Variants in ZNF670 observed in about 807,000 individuals in gnomAD.
The protein encoded by ZNF670 is zinc finger protein 670.
Under a neutral mutation model 10.9 loss-of-function variants are expected in ZNF670, and 7 were observed. The ratio of observed to expected loss-of-function variants is 0.64; its 90% CI spans 0.36 to 1.20. ZNF670 has a LOEUF of 1.20. Ranked by LOEUF, ZNF670 falls within the 50% of genes most tolerant of loss-of-function variation. The pLI is 0.02. For missense variants in ZNF670, 446 were observed against 458.6 expected (o/e 0.97, Z 0.25); for synonymous variants, 136 against 152.7 (o/e 0.89, Z 0.81).
intron 1 of ZNF670, among the ~76,000 whole-genome samples, chr1:247,067,841 CAAAAAAAAAAAAAAA>C (rs61211824): frequency 1.2e-5 from 1 of 85,256 alleles, no homozygotes. Flanking sequence ...GACTCCGTCT[CAAAAAAAAAAAAAAA>C]AAAAAAAAAA....
intron 1 of ZNF670, among the ~76,000 whole-genome samples, chr1:247,058,709 T>TAAA (rs59634852): frequency 0.028 from 3,466 of 124,180 alleles, 183 homozygotes; most frequent in African/African-American, 0.096. Context: ...TACAGACAGT[T>TAAA]AAAAAAAAAA....
rs1450237050 is a variant in ZNF670 at position 247,037,390 on chromosome 1, T to A, written c.*59A>T. On this transcript the variant is annotated 3_prime_UTR_variant, in exon 4 of 4. Coordinates refer to ENST00000366503, the MANE Select transcript of ZNF670 (RefSeq NM_033213.5). The stretch of plus-strand genomic sequence containing the variant: ...TTCACGTGTTCTAATGAAACTAGAA[T>A]AACTGAAAGCTTTAACACACTTCTT... 10 of 1,506,600 alleles carry A rather than the reference T, an allele frequency of 6.6e-6. No individual in the cohort carries two copies. In the Admixed American group the frequency reaches 9.4e-5, roughly 14 times the overall value. 93.3% of individuals were successfully genotyped at this position (1,506,600 alleles called of 1,614,324 possible).
chr1:247,043,254 C>T, intron 1 of ZNF670: 1 of 671,830 alleles, frequency 1.5e-6, no homozygotes, highest in South Asian at 1.4e-5. Flanking sequence ...TAAGCATTGT[C>T]TCTGGGTATA....
At chr1:247,051,913 G>A (rs1339130320) in intron 1 of ZNF670, among the ~76,000 whole-genome samples, 1 of 149,296 alleles carries the variant, frequency 6.7e-6, no homozygotes, top group African/African-American at 2.5e-5. Context: ...TTCTCTAAGT[G>A]TGTCATTCAT....
rs187017736 is a variant in ZNF670 at position 247,053,350 on chromosome 1, C to T, written c.4-13813G>A. ...GCTCAGTTGAAATTATTATAAAGTT[C>T]AGGCCGGCGCGGTGGCTCACGCCTG... is the stretch of plus-strand genomic sequence containing the variant. On this transcript the variant is annotated intron_variant, in intron 1 of 3. Coordinates refer to ENST00000366503, the MANE Select transcript of ZNF670 (RefSeq NM_033213.5). Among the ~76,000 whole-genome samples the T allele has an allele frequency of 2.6e-3, 397 of 152,242 alleles. 4 individuals are homozygous for T. The highest frequency in any genetic ancestry group is 9.3e-3 in the African/African-American group (385 of 41,550).
intron 1 of ZNF670, chr1:247,044,168 T>A (rs1460044016): frequency 6.5e-6 from 1 of 153,540 alleles, no homozygotes; most frequent in Non-Finnish European, 1.5e-5. Flanking sequence ...TGAGAAATAA[T>A]TTATGTTGAA....
intron 1 of ZNF670, among the ~76,000 whole-genome samples, chr1:247,060,919 T>C (rs1429911356): frequency 6.6e-6 from 1 of 152,182 alleles, no homozygotes; most frequent in Non-Finnish European, 1.5e-5. Flanking sequence ...CAAGTATTCA[T>C]CTGGTTGTCA....
In ZNF670 at chr1:247,041,591, C is replaced by G. The variant is rs372405410; in HGVS notation, c.4-2054G>C. Among the ~76,000 whole-genome samples the G allele has an allele frequency of 1.5e-4, 23 of 152,340 alleles. No homozygotes were observed. In the East Asian group the frequency reaches 2.5e-3, roughly 17 times the overall value. On this transcript the variant is annotated intron_variant, in intron 1 of 3. Coordinates refer to ENST00000366503, the MANE Select transcript of ZNF670 (RefSeq NM_033213.5). ...GAGTCAACTGATACCCTCCATTGCT[C>G]TAATTTGAACTTACCACAATGTGTA...
chr1:247,051,169 GTGGTGGCA>G (rs953650535), intron 1 of ZNF670, among the ~76,000 whole-genome samples: 1 of 151,638 alleles, frequency 6.6e-6, no homozygotes, highest in African/African-American at 2.4e-5. Flanking sequence ...TTAGCCGGGC[GTGGTGGCA>G]AGCGCCTGTA....
At chr1:247,047,841 G>C (rs1670488999) in intron 1 of ZNF670, among the ~76,000 whole-genome samples, 1 of 151,904 alleles carries the variant, frequency 6.6e-6, no homozygotes. Context: ...CTAGGACACA[G>C]CACCATGTCC....
Position 247,077,436 on chromosome 1 carries a change from C to G in ZNF670, c.3+1158G>C, listed in dbSNP as rs140382707. Among the ~76,000 whole-genome samples, 597 of 152,290 alleles carry G rather than the reference C, an allele frequency of 3.9e-3. 4 individuals are homozygous for G. The highest frequency in any genetic ancestry group is 0.013 in the African/African-American group (535 of 41,554). Reference sequence around the variant, plus strand: ...CTCTAAAGTTTCCAAAAGGGAACTTCACCCCAAAGATACTCTGGTAAGATG... The same window carrying G: ...CTCTAAAGTTTCCAAAAGGGAACTTGACCCCAAAGATACTCTGGTAAGATG... On this transcript the variant is annotated intron_variant, in intron 1 of 3. Transcript: ENST00000366503.
Position 247,072,816 on chromosome 1 carries a change from ATATATATATATATATATATATATG to A in ZNF670, c.3+5754_3+5777del, listed in dbSNP as rs1671162151. ...AAAAAAAGTGTGTGTATATATATAT[ATATATATATATATATATATATATG>A]CATACACACACATACACACACACAC... is the stretch of plus-strand genomic sequence containing the variant. On this transcript the variant is annotated intron_variant, in intron 1 of 3. Coordinates refer to ENST00000366503, the MANE Select transcript of ZNF670 (RefSeq NM_033213.5). Among the ~76,000 whole-genome samples, 24 of 49,362 alleles carry A rather than the reference ATATATATATATATATATATATATG, an allele frequency of 4.9e-4. 1 individual carries two copies. Among genetic ancestry groups the A allele is most frequent in the African/African-American group, 3.2e-3 (24 of 7,504 alleles). 32.4% of individuals were successfully genotyped at this position (49,362 alleles called of 152,430 possible).
At chr1:247,065,743 A>C (rs1225061317) in intron 1 of ZNF670, among the ~76,000 whole-genome samples, 1 of 152,252 alleles carries the variant, frequency 6.6e-6, no homozygotes, top group Non-Finnish European at 1.5e-5. Context: ...AATGATAATC[A>C]GTAAAAAGTA....
At chr1:247,045,073 T>C (rs1332155961) in intron 1 of ZNF670, among the ~76,000 whole-genome samples, 1 of 151,914 alleles carries the variant, frequency 6.6e-6, no homozygotes, top group Non-Finnish European at 1.5e-5. Flanking sequence ...CAAACCAAAT[T>C]AGAGAGACAG....
rs1198713067 is a variant in ZNF670, at chr1:247,037,419, T to C, written c.*30A>G. The C allele has an allele frequency of 1.3e-6, 2 of 1,552,440 alleles. No homozygotes were observed. Among genetic ancestry groups the C allele is most frequent in the Non-Finnish European group, 1.7e-6 (2 of 1,154,086 alleles). Reference sequence around the variant, plus strand: ...TGAAAGCTTTAACACACTTCTTACATTGACAGAGGTGTTTTGTTGTTGTTG... The same window carrying C: ...TGAAAGCTTTAACACACTTCTTACACTGACAGAGGTGTTTTGTTGTTGTTG... On this transcript the variant is annotated 3_prime_UTR_variant, in exon 4 of 4. Coordinates refer to ENST00000366503, the MANE Select transcript of ZNF670 (RefSeq NM_033213.5).
chr1:247,051,217 A>G (rs1349262708), intron 1 of ZNF670, among the ~76,000 whole-genome samples: 2 of 151,756 alleles, frequency 1.3e-5, no homozygotes, highest in East Asian at 3.9e-4. Flanking sequence ...CTAAGGCAGG[A>G]GACTCCAGCC....
chr1:247,073,836 G>A (rs1464516552), intron 1 of ZNF670, among the ~76,000 whole-genome samples: 1 of 152,162 alleles, frequency 6.6e-6, no homozygotes, highest in Non-Finnish European at 1.5e-5. Flanking sequence ...TCATAAGTCA[G>A]AGGTTCCCAT....
Position 247,038,300 on chromosome 1 carries a change from C to G in ZNF670, c.319G>C (p.Val107Leu). Reference sequence around the variant, plus strand: ...TGACATATGAAGACTTTTCCACACACACTGCATTCACATGGCTTTACTCCA... The same window carrying G: ...TGACATATGAAGACTTTTCCACACAGACTGCATTCACATGGCTTTACTCCA... ...STGVKPCECS[V>L]CGKVFICHSA... The change falls in exon 4 of 4, where the codon GTG becomes CTG. Residue 107 changes from valine (V) to leucine (L), a missense_variant. By Grantham distance (32) the Val-to-Leu change is conservative (BLOSUM62 1). Coordinates refer to ENST00000366503, the MANE Select transcript of ZNF670 (RefSeq NM_033213.5). 6.2e-7 allele frequency: 1 copy of G among 1,614,204 alleles called. No individual in the cohort carries two copies. The highest frequency in any genetic ancestry group is 8.5e-7 in the Non-Finnish European group (1 of 1,180,020).
At chr1:247,040,347 T>C (rs1420140196) in intron 1 of ZNF670, among the ~76,000 whole-genome samples, 3 of 152,224 alleles carry the variant, frequency 2.0e-5, no homozygotes, top group Admixed American at 1.3e-4. Flanking sequence ...AAAATTTCTA[T>C]TGGATAACAA....
Sources: gnomAD v4.1 joint callset for allele counts (sites outside exome capture counted in the v4.1 genomes callset) on GRCh38, gnomAD v4.1.1 for gene constraint, MANE v1.5 for transcripts, NCBI Gene and HGNC (gene_info 2026-07-23, HGNC 2026-07-21) for gene names.